WDFY2: variants seen among roughly 807,000 people sequenced by gnomAD.
The protein encoded by WDFY2 is WD repeat and FYVE domain-containing protein 2.
In WDFY2, 36 loss-of-function variants were observed where a neutral mutation model predicts 56.4. That is an observed-to-expected ratio of 0.64 (90% CI 0.49 to 0.84). WDFY2 has a LOEUF of 0.84. Ranked by LOEUF, WDFY2 falls within the 40% of genes least tolerant of loss-of-function variation. The pLI is 0.00. For synonymous variants in WDFY2, 176 were observed against 183.7 expected (o/e 0.96, Z 0.34); for missense variants, 444 against 512.2 (o/e 0.87, Z 1.29).
At chr13:51,743,447 A>G (rs1953021273) in intron 7 of WDFY2, among the ~76,000 whole-genome samples, 1 of 152,348 alleles carries the variant, frequency 6.6e-6, no homozygotes, top group Non-Finnish European at 1.5e-5. Flanking sequence ...TCAAAAAAAT[A>G]TAAATGATGT....
At chr13:51,654,757 A>G (rs1457563752) in intron 1 of WDFY2, among the ~76,000 whole-genome samples, 1 of 152,224 alleles carries the variant, frequency 6.6e-6, no homozygotes, top group South Asian at 2.1e-4. Flanking sequence ...TCCATATGGC[A>G]CTTTTGATCT....
At chr13:51,725,694 A>G in intron 5 of WDFY2, among the ~76,000 whole-genome samples, 1 of 150,506 alleles carries the variant, frequency 6.6e-6, no homozygotes, top group Non-Finnish European at 1.5e-5. Flanking sequence ...ATATATACAC[A>G]ATTTTTTTTT....
At chr13:51,720,176 T>G (rs989285119) in intron 5 of WDFY2, among the ~76,000 whole-genome samples, 3 of 152,184 alleles carry the variant, frequency 2.0e-5, no homozygotes, top group African/African-American at 7.2e-5. Flanking sequence ...TCTAATTTCA[T>G]CTCCATATTT....
intron 1 of WDFY2, among the ~76,000 whole-genome samples, chr13:51,647,765 T>TAA (rs528621325): frequency 1.0e-3 from 104 of 102,656 alleles, no homozygotes; most frequent in African/African-American, 1.9e-3. Flanking sequence ...GTCTCTCTCT[T>TAA]AAAAAAAAAA....
At chr13:51,614,186 CAAAAAAAAAA>C (rs771044291) in intron 1 of WDFY2, among the ~76,000 whole-genome samples, 4 of 60,970 alleles carry the variant, frequency 6.6e-5, no homozygotes, top group Admixed American at 1.7e-4. Context: ...ACTCGGTCTC[CAAAAAAAAAA>C]AAAAAAAAAA....
chr13:51,617,647 A>ATCCC (rs1954643576), intron 1 of WDFY2, among the ~76,000 whole-genome samples: 2 of 152,176 alleles, frequency 1.3e-5, no homozygotes, highest in African/African-American at 4.8e-5. Context: ...AGGCCTTCAG[A>ATCCC]TTCCTTAGGG....
intron 2 of WDFY2, among the ~76,000 whole-genome samples, chr13:51,673,921 A>G (rs1053867083): frequency 6.6e-6 from 1 of 152,344 alleles, no homozygotes; most frequent in South Asian, 2.1e-4. Context: ...AGAAAATTAG[A>G]AAAAAAGTAA....
intron 5 of WDFY2, among the ~76,000 whole-genome samples, chr13:51,724,994 G>T (rs1173712156): frequency 6.6e-6 from 1 of 152,222 alleles, no homozygotes; most frequent in Admixed American, 6.5e-5. Flanking sequence ...CATTTTTTTA[G>T]TGAGGAACAA....
intron 3 of WDFY2, among the ~76,000 whole-genome samples, chr13:51,698,136 A>G (rs1025678622): frequency 1.3e-5 from 2 of 152,234 alleles, no homozygotes; most frequent in African/African-American, 2.4e-5. Flanking sequence ...AAACTGGACA[A>G]TTTGGTTCCA....
At chr13:51,669,099 A>C (rs1955763736) in intron 2 of WDFY2, among the ~76,000 whole-genome samples, 1 of 152,188 alleles carries the variant, frequency 6.6e-6, no homozygotes, top group Non-Finnish European at 1.5e-5. Context: ...TAATCCATTT[A>C]ATTATTGACT....
rs1208201534 is a variant in WDFY2, at chr13:51,764,213, G to A, written c.*4444G>A. 1 of 152,184 alleles carries A rather than the reference G, an allele frequency of 6.6e-6. No individual in the cohort carries two copies. The allele number at this position is 152,184 out of a possible 1,614,324, so 9.4% of individuals were successfully genotyped here. The stretch of plus-strand genomic sequence containing the variant: ...CACCAGCCACCAGGCTTTAGGCACT[G>A]GCAGTGCAAGGTGTCTGAGGCCCAT... On this transcript the variant is annotated 3_prime_UTR_variant, in exon 12 of 12. Transcript: ENST00000298125.
intron 1 of WDFY2, among the ~76,000 whole-genome samples, chr13:51,658,606 C>G (rs1375523301): frequency 6.6e-6 from 1 of 152,160 alleles, no homozygotes; most frequent in African/African-American, 2.4e-5. Flanking sequence ...TGTGATATTA[C>G]TCTGGTATTG....
chr13:51,752,868 G>C (rs1953267922), intron 8 of WDFY2: 1 of 152,152 alleles, frequency 6.6e-6, no homozygotes, highest in Non-Finnish European at 1.5e-5. Context: ...CTTAGCCTCT[G>C]TGGAGCTGCT....
At chr13:51,594,516 G>T (rs1954109219) in intron 1 of WDFY2, among the ~76,000 whole-genome samples, 1 of 152,124 alleles carries the variant, frequency 6.6e-6, no homozygotes, top group Non-Finnish European at 1.5e-5. Context: ...AATCAGCAGG[G>T]CCTGCTGTGG....
chr13:51,729,008 C>T (rs959996790), intron 6 of WDFY2, among the ~76,000 whole-genome samples: 12 of 152,162 alleles, frequency 7.9e-5, no homozygotes, highest in Admixed American at 1.3e-4. Context: ...CATTCTAGCC[C>T]GCGGTCCTTC....
chr13:51,693,172 G>GT (rs1417580207), intron 3 of WDFY2, among the ~76,000 whole-genome samples: 1 of 152,154 alleles, frequency 6.6e-6, no homozygotes, highest in South Asian at 2.1e-4. Flanking sequence ...TTTTTTGAAG[G>GT]TTTTTTTGTG....
chr13:51,651,001 C>G (rs1410726550), intron 1 of WDFY2, among the ~76,000 whole-genome samples: 1 of 152,196 alleles, frequency 6.6e-6, no homozygotes, highest in Non-Finnish European at 1.5e-5. Context: ...ACCAGCTCCT[C>G]CTTGTACCTC....
At chr13:51,693,090 T>G (rs1479681662) in intron 3 of WDFY2, among the ~76,000 whole-genome samples, 1 of 152,200 alleles carries the variant, frequency 6.6e-6, no homozygotes, top group Non-Finnish European at 1.5e-5. Flanking sequence ...TCTCTTTTTT[T>G]CTTTATTAGT....
At chr13:51,684,636 A>G (rs1344319854) in intron 3 of WDFY2, among the ~76,000 whole-genome samples, 2 of 151,958 alleles carry the variant, frequency 1.3e-5, no homozygotes, top group African/African-American at 4.8e-5. Context: ...CCCTCCAAAT[A>G]TGCTCTTCTC....
Sources: gnomAD v4.1 joint callset for allele counts (sites outside exome capture counted in the v4.1 genomes callset) on GRCh38, gnomAD v4.1.1 for gene constraint, MANE v1.5 for transcripts, NCBI Gene and HGNC (gene_info 2026-07-23, HGNC 2026-07-21) for gene names.